The following KCNQ1 variants were observed in gnomAD, a reference collection of about 807,000 sequenced individuals.
KCNQ1 encodes the protein potassium voltage-gated channel subfamily KQT member 1.
A neutral mutation model predicts 72.4 loss-of-function variants in KCNQ1; 49 were observed. The ratio of observed to expected loss-of-function variants is 0.68; its 90% CI spans 0.54 to 0.86. The LOEUF (loss-of-function observed/expected upper bound fraction) is 0.86, where lower values mean the gene tolerates loss of function less well. KCNQ1 is among the 40% of genes least tolerant of loss of function. The pLI, the probability that KCNQ1 is intolerant of heterozygous loss-of-function variation, is 0.00. For missense variants in KCNQ1, 790 were observed against 945.1 expected, an observed-to-expected ratio of 0.84 and a Z score of 2.15; for synonymous variants, 450 against 412.6, an observed-to-expected ratio of 1.09 and a Z score of -1.10.
At chr11:2,534,192 G>A (rs559400684) in intron 2 of KCNQ1, among the ~76,000 whole-genome samples, 75 of 152,306 alleles carry the variant, frequency 4.9e-4, no homozygotes, top group African/African-American at 1.6e-3. Context: ...GGCCCTGGGC[G>A]GCCCTCTCTG....
intron 11 of KCNQ1, chr11:2,692,631 A>C: frequency 2.5e-6 from 1 of 398,698 alleles, no homozygotes; most frequent in Non-Finnish European, 4.4e-6. Context: ...CTGTGCTCCC[A>C]GGCCTCAGCA....
Position 2,793,480 on chromosome 11 carries a change from C to T in KCNQ1, c.1794+15443C>T, listed in dbSNP as rs1208223807. Among the ~76,000 whole-genome samples, 6 of 124,394 alleles carry T rather than the reference C, an allele frequency of 4.8e-5. No individual in the cohort carries two copies. In the East Asian group the frequency reaches 7.7e-4, roughly 16 times the overall value. The allele number at this position is 124,394 out of a possible 152,430, so 81.6% of individuals were successfully genotyped here. A position where few individuals can be genotyped will look rare whatever the true frequency, so the allele number is the denominator to read the frequency against. ...ATGAAAATAAAAATAAAAAATTAGC[C>T]AAGCGTGATGGTGTGTGCCTGTGGT... is the stretch of plus-strand genomic sequence containing the variant. On this transcript the variant is annotated intron_variant, in intron 15 of 15. Coordinates refer to ENST00000155840, the MANE Select transcript of KCNQ1 (RefSeq NM_000218.3).
chr11:2,737,802 CA>C (rs1845984709), intron 11 of KCNQ1, among the ~76,000 whole-genome samples: 1 of 152,170 alleles, frequency 6.6e-6, no homozygotes, highest in South Asian at 2.1e-4. Flanking sequence ...GCGACCGTCA[CA>C]GCCCTAACTC....
intron 2 of KCNQ1, among the ~76,000 whole-genome samples, chr11:2,530,670 C>G (rs924650648): frequency 6.6e-6 from 1 of 152,198 alleles, no homozygotes; most frequent in African/African-American, 2.4e-5. Context: ...TGGGGACTTT[C>G]ACGCATGTTT....
rs1032220164 is a variant in KCNQ1 at position 2,785,025 on chromosome 11, C to A, written c.1794+6988C>A. On this transcript the variant is annotated intron_variant, in intron 15 of 15. Coordinates refer to ENST00000155840, the MANE Select transcript of KCNQ1 (RefSeq NM_000218.3). This position sits in a 1 kb window ranked among gnomAD's most constrained non-coding sequence, Gnocchi z 4.4. The stretch of plus-strand genomic sequence containing the variant: ...AGATGCCTTTAATTTCTTTGTTTTG[C>A]CTAATTGCACTGGCTTGAACTTCAA... Among the ~76,000 whole-genome samples the A allele has an allele frequency of 6.6e-6, 1 of 151,884 alleles. No individual in the cohort carries two copies. Among genetic ancestry groups the A allele is most frequent in the Admixed American group, 6.6e-5 (1 of 15,264 alleles).
rs1279481857 is a variant in KCNQ1, at chr11:2,493,407, A to G, written c.387-34521A>G. 6.6e-6 allele frequency among the ~76,000 whole-genome samples: 1 copy of G among 152,144 alleles called. No homozygotes were observed. ...TTGTTGCAATTGCTCTTGGTGTTTT[A>G]GTCATGAAGTCCTTGCCCATGCCTA... On this transcript the variant is annotated intron_variant, in intron 1 of 15. Coordinates refer to ENST00000155840, the MANE Select transcript of KCNQ1 (RefSeq NM_000218.3). The surrounding 1 kb of genome is among the most constrained non-coding windows in gnomAD (Gnocchi z 5.3).
intron 6 of KCNQ1, among the ~76,000 whole-genome samples, chr11:2,580,861 G>A (rs897083504): frequency 1.3e-5 from 2 of 152,216 alleles, no homozygotes; most frequent in Non-Finnish European, 2.9e-5. Flanking sequence ...GCGCTGGGCT[G>A]CTCCTCAAGT....
At position 2,686,884 on chromosome 11, in the gene KCNQ1, C is replaced by G. The variant is rs1850498438; in HGVS notation, c.1514+24803C>G. The stretch of plus-strand genomic sequence containing the variant: ...GCCCTGGTTTGTGTCTGCCCAGTGA[C>G]CAGCCTGAAGATAGAGGCAACCCAA... On this transcript the variant is annotated intron_variant, in intron 11 of 15. Transcript: ENST00000155840. 2.8e-5 allele frequency: 11 copies of G among 398,550 alleles called. No individual in the cohort carries two copies. The Admixed American group carries it at 4.8e-4, about 18-fold the overall frequency. The allele number at this position is 398,550 out of a possible 1,614,324, so 24.7% of individuals were successfully genotyped here.
rs529147136 is a variant in KCNQ1, at chr11:2,620,506, G to T, written c.1393+31652G>T. The T allele has an allele frequency of 1.6e-5, 6 of 374,478 alleles. No individual in the cohort carries two copies. The highest frequency in any genetic ancestry group is 3.8e-5 in the East Asian group (1 of 26,172). The allele number at this position is 374,478 out of a possible 1,614,324, so 23.2% of individuals were successfully genotyped here. ...GCTGGGATTACAGGTGAGAGCTACCGCACCTGGCCGAATTCATTCATTTTT... is the reference window on the plus strand; with the variant it reads ...GCTGGGATTACAGGTGAGAGCTACCTCACCTGGCCGAATTCATTCATTTTT... On this transcript the variant is annotated intron_variant, in intron 10 of 15. Coordinates refer to ENST00000155840, the MANE Select transcript of KCNQ1 (RefSeq NM_000218.3). This position sits in a 1 kb window ranked among gnomAD's most constrained non-coding sequence, Gnocchi z 4.5.
Position 2,564,927 on chromosome 11 carries a change from T to G in KCNQ1, c.478-5701T>G, listed in dbSNP as rs1193843156. On this transcript the variant is annotated intron_variant, in intron 2 of 15. Transcript: ENST00000155840. The surrounding 1 kb of genome is among the most constrained non-coding windows in gnomAD (Gnocchi z 4.5). The stretch of plus-strand genomic sequence containing the variant: ...GCCTGTGTGAGAATCCCCTTCCTTT[T>G]TAAGGCCAAATCCTATTCCGTGGTA... 4.6e-5 allele frequency among the ~76,000 whole-genome samples: 7 copies of G among 152,202 alleles called. No individual in the cohort carries two copies. Among genetic ancestry groups the G allele is most frequent in the African/African-American group, 1.7e-4 (7 of 41,448 alleles).
At chr11:2,778,368 G>C (rs774032784) in intron 15 of KCNQ1, among the ~76,000 whole-genome samples, 1 of 152,240 alleles carries the variant, frequency 6.6e-6, no homozygotes, top group Non-Finnish European at 1.5e-5. Flanking sequence ...CGAGCCTCCT[G>C]GCTGTGTCCT....
chr11:2,550,841 C>G lies in KCNQ1; in HGVS notation c.478-19787C>G, dbSNP rs1399567250. On this transcript the variant is annotated intron_variant, in intron 2 of 15. Coordinates refer to ENST00000155840, the MANE Select transcript of KCNQ1 (RefSeq NM_000218.3). The surrounding 1 kb of genome is among the most constrained non-coding windows in gnomAD (Gnocchi z 6.0). ...CCTAGCACCTGGCTCCCCGGGGGCC[C>G]AGATGGCAGGCGAGGGGTGCCTGGG... 6.6e-6 allele frequency among the ~76,000 whole-genome samples: 1 copy of G among 151,978 alleles called. No homozygotes were observed. The highest frequency in any genetic ancestry group is 1.9e-4 in the East Asian group (1 of 5,150).
At chr11:2,792,584 C>A (rs1009374935) in intron 15 of KCNQ1, among the ~76,000 whole-genome samples, 1 of 152,210 alleles carries the variant, frequency 6.6e-6, no homozygotes, top group African/African-American at 2.4e-5. Flanking sequence ...GGTGAGGGAG[C>A]GCATCCTATG....
intron 11 of KCNQ1, chr11:2,693,711 C>T (rs1215852633): frequency 2.5e-5 from 10 of 398,570 alleles, no homozygotes; most frequent in East Asian, 2.5e-4. Flanking sequence ...CATGGGCCTT[C>T]CTGGCTGGTG....
At chr11:2,500,143 T>A (rs179402) in intron 1 of KCNQ1, among the ~76,000 whole-genome samples, 151,173 of 152,390 alleles carry the variant, frequency 0.99, 74,984 homozygotes, top group Middle Eastern at 1. Flanking sequence ...GAAACACAAC[T>A]TACCAAAACC....
chr11:2,819,507 G>C (rs991683699), intron 15 of KCNQ1, among the ~76,000 whole-genome samples: 20 of 152,244 alleles, frequency 1.3e-4, no homozygotes, highest in Non-Finnish European at 1.9e-4. Flanking sequence ...TTGAATTCCT[G>C]AGGTAAACCT....
chr11:2,635,918 C>G (rs1306369392), intron 10 of KCNQ1: 2 of 152,078 alleles, frequency 1.3e-5, no homozygotes, highest in African/African-American at 4.8e-5. Flanking sequence ...AAGTTGGATT[C>G]CTAGGTATTT....
At chr11:2,625,788 C>G in intron 10 of KCNQ1, 1 of 398,144 alleles carries the variant, frequency 2.5e-6, no homozygotes, top group African/African-American at 2.1e-5. Flanking sequence ...CCAGGATGGT[C>G]TCAATCTCCT....
chr11:2,845,622 TG>T (rs1214025546), intron 15 of KCNQ1, among the ~76,000 whole-genome samples: 1 of 152,200 alleles, frequency 6.6e-6, no homozygotes, highest in African/African-American at 2.4e-5. Flanking sequence ...AGACCTCGGA[TG>T]TACACCTGCC....
Sources: gnomAD v4.1 joint callset for allele counts (sites outside exome capture counted in the v4.1 genomes callset) on GRCh38, gnomAD v4.1.1 for gene constraint, Gnocchi (gnomAD v3.1) non-coding constraint, MANE v1.5 for transcripts, NCBI Gene and HGNC (gene_info 2026-07-23, HGNC 2026-07-21) for gene names.